The following ZNF487 variants were observed in gnomAD, a reference collection of about 807,000 sequenced individuals.
ZNF487 encodes the protein KRAB domain only 1.
ZNF487 carries 4 observed loss-of-function variants against 3.0 expected under a neutral mutation model. The ratio of observed to expected loss-of-function variants is 1.35; its 90% CI spans 0.66 to 3.08. ZNF487 has a LOEUF of 3.08. ZNF487 is among the 30% of genes most tolerant of loss of function. The probability of loss-of-function intolerance (pLI) is 0.01; values close to 1 mark genes in which losing one functional copy is unlikely to be tolerated. For missense variants in ZNF487, 146 were observed against 98.7 expected, an observed-to-expected ratio of 1.48 and a Z score of -2.03; for synonymous variants, 55 against 34.6, an observed-to-expected ratio of 1.59 and a Z score of -2.06.
At chr10:43,464,719 C>G (rs1302836383) in intron 1 of ZNF487, among the ~76,000 whole-genome samples, 2 of 152,206 alleles carry the variant, frequency 1.3e-5, no homozygotes, top group African/African-American at 4.8e-5. Context: ...GATCCCAAGG[C>G]AGAATTCTTC....
chr10:43,515,251 C>T, the ZNF487 span, among the ~76,000 whole-genome samples: 4 of 152,150 alleles, frequency 2.6e-5, no homozygotes, highest in African/African-American at 7.2e-5. Flanking sequence ...TCAACCTCAC[C>T]TCTAGGGGCC....
At position 43,442,238 on chromosome 10, in the gene ZNF487, AAACAACAAC is replaced by A. The variant is rs750766065; in HGVS notation, c.-94+5000_-94+5008del. ...TCTACAGAGGGAGACCCTGTCTCTA[AAACAACAAC>A]AACAACAACAACAACAACAACAAAA... On this transcript the variant is annotated intron_variant, in intron 1 of 3. Coordinates refer to ENST00000437590, the MANE Select transcript of ZNF487 (RefSeq NM_001355444.3). Among the ~76,000 whole-genome samples, 724 of 148,904 alleles carry A rather than the reference AAACAACAAC, an allele frequency of 4.9e-3. 4 individuals carry two copies. Among genetic ancestry groups the A allele is most frequent in the African/African-American group, 0.017 (666 of 39,702 alleles).
the ZNF487 span, among the ~76,000 whole-genome samples, chr10:43,509,252 T>A: frequency 8.6e-5 from 13 of 151,548 alleles, no homozygotes; most frequent in East Asian, 3.9e-4. Flanking sequence ...TGCACCTGCA[T>A]CTAGCAGCCA....
the ZNF487 span, among the ~76,000 whole-genome samples, chr10:43,509,817 C>A: frequency 6.6e-6 from 1 of 152,054 alleles, no homozygotes; most frequent in Non-Finnish European, 1.5e-5. Context: ...CACAGACACG[C>A]CCGGGATCCA....
At chr10:43,464,629 C>G (rs1282689423) in intron 1 of ZNF487, among the ~76,000 whole-genome samples, 2 of 152,158 alleles carry the variant, frequency 1.3e-5, no homozygotes, top group African/African-American at 2.4e-5. Context: ...CTTGCACCGC[C>G]CTTAATCCAT....
intron 3 of ZNF487, among the ~76,000 whole-genome samples, chr10:43,479,085 G>GTATA (rs554754949): frequency 1.5e-5 from 2 of 133,196 alleles, no homozygotes; most frequent in African/African-American, 5.3e-5. Flanking sequence ...ATGTATGTGT[G>GTATA]TATATATATA....
chr10:43,438,596 G>A (rs760878106), intron 1 of ZNF487, among the ~76,000 whole-genome samples: 23 of 152,128 alleles, frequency 1.5e-4, no homozygotes, highest in Non-Finnish European at 2.2e-4. Context: ...AAATAGAATT[G>A]CCATATGATC....
At chr10:43,521,939 C>T in the ZNF487 span, among the ~76,000 whole-genome samples, 1 of 151,546 alleles carries the variant, frequency 6.6e-6, no homozygotes, top group African/African-American at 2.4e-5. Flanking sequence ...GTGTGAGGTA[C>T]AAGACTGTTT....
intron 1 of ZNF487, among the ~76,000 whole-genome samples, chr10:43,445,957 G>A (rs1409150852): frequency 6.6e-6 from 1 of 152,170 alleles, no homozygotes; most frequent in East Asian, 1.9e-4. Context: ...TTAACCCTGA[G>A]TTGACACAGC....
At chr10:43,466,078 C>T (rs1366012839) in intron 1 of ZNF487, among the ~76,000 whole-genome samples, 2 of 152,084 alleles carry the variant, frequency 1.3e-5, no homozygotes, top group African/African-American at 4.8e-5. Flanking sequence ...ATCACAGGCA[C>T]TCGGCAGGCT....
At chr10:43,490,563 G>A in the ZNF487 span, among the ~76,000 whole-genome samples, 20 of 128,558 alleles carry the variant, frequency 1.6e-4, no homozygotes, top group Non-Finnish European at 2.2e-4. Flanking sequence ...GGGCTGGAGT[G>A]CAATGGCACA....
chr10:43,476,028 G>A (rs1002022141), intron 2 of ZNF487, 79 bp from the exon 3 acceptor site: 8 of 696,352 alleles, frequency 1.1e-5, no homozygotes, highest in African/African-American at 7.1e-5. Flanking sequence ...AAATGCTCAA[G>A]TGGACCTATT....
chr10:43,498,289 C>CT, the ZNF487 span, among the ~76,000 whole-genome samples: 113 of 77,008 alleles, frequency 1.5e-3, 9 homozygotes, highest in East Asian at 5.8e-3. Flanking sequence ...TTTCTTTTTT[C>CT]TTTTTTTTTT....
chr10:43,458,461 TAGTG>T (rs1840301939), intron 1 of ZNF487, among the ~76,000 whole-genome samples: 1 of 152,180 alleles, frequency 6.6e-6, no homozygotes, highest in Non-Finnish European at 1.5e-5. Context: ...GCATTTATCT[TAGTG>T]AGCAGAGGGG....
At chr10:43,456,858 G>A (rs527789146) in intron 1 of ZNF487, among the ~76,000 whole-genome samples, 85 of 152,332 alleles carry the variant, frequency 5.6e-4, no homozygotes, top group Non-Finnish European at 7.8e-4. Flanking sequence ...TGGGATTACA[G>A]GCGTGAGCCA....
At chr10:43,452,401 A>AT (rs1227001750) in intron 1 of ZNF487, 9 of 150,974 alleles carry the variant, frequency 6.0e-5, no homozygotes, top group East Asian at 1.9e-4. Context: ...CTCTCAAGCC[A>AT]TTTTTTTTTC....
Position 43,481,809 on chromosome 10 carries a change from C to T in ZNF487, c.511C>T (p.Gln171Ter), listed in dbSNP as rs1377185110. The T allele has an allele frequency of 4.2e-6, 3 of 706,170 alleles. No homozygotes were observed. The highest frequency in any genetic ancestry group is 2.0e-5 in the Admixed American group (1 of 49,980). 43.7% of individuals were successfully genotyped at this position (706,170 alleles called of 1,614,324 possible). A position where few individuals can be genotyped will look rare whatever the true frequency, so the allele number is the denominator to read the frequency against. ...VSQNEDLFRH[Q>*]YIQTLKQCFE... ...TCAGAATGAGGACTTATTTAGGCATCAGTATATTCAAACTCTTAAGCAGTG... is the reference window on the plus strand; with the variant it reads ...TCAGAATGAGGACTTATTTAGGCATTAGTATATTCAAACTCTTAAGCAGTG... Residue 171 changes from glutamine to a stop codon, truncating the protein, a stop_gained, in exon 4 of 4, where the codon CAG becomes TAG. Transcript: ENST00000437590. LOFTEE classifies it low-confidence loss of function (END_TRUNC).
At chr10:43,450,443 C>T (rs957022971) in intron 1 of ZNF487, among the ~76,000 whole-genome samples, 3 of 152,018 alleles carry the variant, frequency 2.0e-5, no homozygotes, top group Non-Finnish European at 4.4e-5. Context: ...ACCTCTGCAT[C>T]CTGGGTTCAA....
At chr10:43,493,709 A>AATATATATATATATATATAT in the ZNF487 span, among the ~76,000 whole-genome samples, 1 of 43,694 alleles carries the variant, frequency 2.3e-5, no homozygotes, top group African/African-American at 8.7e-5. Flanking sequence ...AAAAAAAAAA[A>AATATATATATATATATATAT]ATATATATAT....
Sources: allele counts gnomAD v4.1 joint callset (sites outside exome capture counted in the v4.1 genomes callset), GRCh38; gene constraint gnomAD v4.1.1; transcripts MANE v1.5; gene names NCBI Gene and HGNC (gene_info 2026-07-23, HGNC 2026-07-21).